RABEP2: variants seen among roughly 807,000 people sequenced by gnomAD.
RABEP2 encodes rabaptin, RAB GTPase binding effector protein 2, also known as rab GTPase-binding effector protein 2.
Under a neutral mutation model 74.1 loss-of-function variants are expected in RABEP2, and 57 were observed. The ratio of observed to expected loss-of-function variants is 0.77; its 90% CI spans 0.62 to 0.96. RABEP2 has a LOEUF of 0.96. Ranked by LOEUF, RABEP2 falls within the 40% of genes least tolerant of loss-of-function variation. The probability of loss-of-function intolerance (pLI) is 0.00; values close to 1 mark genes in which losing one functional copy is unlikely to be tolerated. For synonymous variants in RABEP2, 351 were observed against 344.0 expected, an observed-to-expected ratio of 1.02 and a Z score of -0.23; for missense variants, 692 against 756.3, an observed-to-expected ratio of 0.91 and a Z score of 1.00.
chr16:28,916,623 G>C (rs550354506), intron 3 of RABEP2, among the ~76,000 whole-genome samples: 1 of 135,580 alleles, frequency 7.4e-6, no homozygotes, highest in East Asian at 2.2e-4. Context: ...AGTGAGCCAA[G>C]ATCACGTCAC....
At chr16:28,921,205 A>G (rs1342895709) in intron 2 of RABEP2, 1 of 455,924 alleles carries the variant, frequency 2.2e-6, no homozygotes, top group Admixed American at 2.4e-5. Context: ...TCAGACTCTG[A>G]GCTGGGCTCT....
chr16:28,912,791 G>C (rs1964332413), intron 5 of RABEP2, among the ~76,000 whole-genome samples: 1 of 152,090 alleles, frequency 6.6e-6, no homozygotes, highest in Admixed American at 6.6e-5. Flanking sequence ...CGTCTCCTAA[G>C]ACGCACAATG....
chr16:28,909,604 C>T (rs1964283585), intron 7 of RABEP2, among the ~76,000 whole-genome samples: 1 of 152,032 alleles, frequency 6.6e-6, no homozygotes, highest in Non-Finnish European at 1.5e-5. Context: ...GTCCCAGCTA[C>T]TCAGGAGGGT....
In RABEP2 at chr16:28,908,593, C is replaced by A. The variant is rs1420942619; in HGVS notation, c.1245+16G>T. On this transcript the variant is annotated intron_variant, in intron 8 of 12. Coordinates refer to ENST00000358201, the MANE Select transcript of RABEP2 (RefSeq NM_024816.3). ...TCACGGTGGCTCCAGGCTCTCAGTG[C>A]CCACACTCAGCTTACTGGCACAGAG... The A allele has an allele frequency of 1.3e-6, 2 of 1,596,598 alleles. No individual in the cohort carries two copies. Among genetic ancestry groups the A allele is most frequent in the South Asian group, 2.2e-5 (2 of 89,356 alleles).
rs1964207640 is a variant in RABEP2 at position 28,905,286 on chromosome 16, GC to G, written c.1608+110del. 2.2e-5 allele frequency: 18 copies of G among 804,998 alleles called. No individual in the cohort carries two copies. The South Asian group carries it at 2.9e-4, about 13-fold the overall frequency. 49.9% of individuals were successfully genotyped at this position (804,998 alleles called of 1,614,324 possible). On this transcript the variant is annotated intron_variant, in intron 12 of 12. Coordinates refer to ENST00000358201, the MANE Select transcript of RABEP2 (RefSeq NM_024816.3). ...AACAGCTCAGGACAGGACCATGCCA[GC>G]CCCAGGAGGAAGAAAGGACTCCCCT...
intron 3 of RABEP2, among the ~76,000 whole-genome samples, chr16:28,918,202 C>G (rs1050674611): frequency 4.0e-5 from 6 of 151,388 alleles, no homozygotes; most frequent in African/African-American, 1.5e-4. Context: ...GCCTCAGCCT[C>G]CCGAGTAGCT....
At chr16:28,910,701 C>T (rs1016401032) in intron 7 of RABEP2, 187 bp downstream of exon 7, 1 of 574,570 alleles carries the variant, frequency 1.7e-6, no homozygotes, top group African/African-American at 1.9e-5. Context: ...GCTGCAGGGG[C>T]CCTGTTCTGG....
intron 3 of RABEP2, among the ~76,000 whole-genome samples, chr16:28,915,497 C>T (rs1357436537): frequency 6.6e-6 from 1 of 152,054 alleles, no homozygotes; most frequent in Non-Finnish European, 1.5e-5. Flanking sequence ...GAGATGGAAA[C>T]AGATAAGCCA....
intron 3 of RABEP2, chr16:28,918,030 G>A (rs551649536): frequency 8.1e-4 from 116 of 143,448 alleles, no homozygotes; most frequent in African/African-American, 3.0e-3. Context: ...AAGATGAAGC[G>A]TTTGATAATA....
chr16:28,924,982 C>A, intron 1 of RABEP2, 121 bp downstream of exon 1: 1 of 1,181,956 alleles, frequency 8.5e-7, no homozygotes, highest in Non-Finnish European at 1.2e-6. Flanking sequence ...GCCCCCTTTC[C>A]CGACGGCGTG....
chr16:28,911,236 C>T, intron 5 of RABEP2, 57 bp from the exon 6 acceptor site: 14 of 1,533,584 alleles, frequency 9.1e-6, no homozygotes, highest in Non-Finnish European at 1.2e-5. Flanking sequence ...CCCCTCACCA[C>T]ACTTCTCGTG....
intron 6 of RABEP2, 30 bp from the exon 7 acceptor site, chr16:28,911,016 C>A: frequency 6.2e-7 from 1 of 1,610,268 alleles, no homozygotes; most frequent in Middle Eastern, 1.7e-4. Context: ...AAAGTGAGGG[C>A]AAGGGCATGT....
At chr16:28,909,724 T>TA (rs1182969016) in intron 7 of RABEP2, among the ~76,000 whole-genome samples, 8,408 of 137,852 alleles carry the variant, frequency 0.061, 706 homozygotes, top group African/African-American at 0.2. Context: ...CACCATTTCT[T>TA]AAAAAAAAAA....
chr16:28,914,683 G>A lies in RABEP2; in HGVS notation c.532C>T (p.Gln178Ter), dbSNP rs759265327. ...GGCCGTGCCCTCACCTGGATCTCCT[G>A]AATCAGCTCCTCGGCCCTCAGCAGC... ...AKLLRAEELI[Q>*]EIQRRPRHAP... The change falls in exon 4 of 13, where the codon CAG becomes TAG. Residue 178 changes from glutamine to a stop codon, truncating the protein, a stop_gained. Transcript: ENST00000358201. LOFTEE classifies it high-confidence loss of function. The A allele has an allele frequency of 6.2e-7, 1 of 1,614,130 alleles. No individual in the cohort carries two copies. Among genetic ancestry groups the A allele is most frequent in the Non-Finnish European group, 8.5e-7 (1 of 1,179,992 alleles).
At chr16:28,912,474 G>A (rs931696221) in intron 5 of RABEP2, among the ~76,000 whole-genome samples, 7 of 144,692 alleles carry the variant, frequency 4.8e-5, no homozygotes, top group African/African-American at 1.3e-4. Flanking sequence ...AGTGGCGCAC[G>A]ATCTCAGCTC....
chr16:28,905,066 G>A, intron 12 of RABEP2, 22 bp from the exon 13 acceptor site: 1 of 1,581,840 alleles, frequency 6.3e-7, no homozygotes, highest in Non-Finnish European at 8.6e-7. Flanking sequence ...GACGAGGGGA[G>A]CAGAGTGCAC....
At position 28,905,157 on chromosome 16, in the gene RABEP2, TA is replaced by T. The variant is rs1274078407; in HGVS notation, c.1609-114del. ...TACCAGTGGACCCAGGGGCCACCTC[TA>T]GGGGGCTGATGCCACAAATGCCCTG... On this transcript the variant is annotated intron_variant, in intron 12 of 12. Coordinates refer to ENST00000358201, the MANE Select transcript of RABEP2 (RefSeq NM_024816.3). 1.5e-5 allele frequency: 13 copies of T among 860,996 alleles called. No homozygotes were observed. The South Asian group carries it at 2.2e-4, about 15-fold the overall frequency. 53.3% of individuals were successfully genotyped at this position (860,996 alleles called of 1,614,324 possible).
rs763783644 is a variant in RABEP2, at chr16:28,906,207, C to T, written c.1246-11G>A. 5.3e-5 allele frequency: 83 copies of T among 1,568,694 alleles called. No individual in the cohort carries two copies. The highest frequency in any genetic ancestry group is 2.3e-5 in the South Asian group (2 of 86,490). On this transcript the variant is annotated splice_polypyrimidine_tract_variant and intron_variant, in intron 8 of 12. Transcript: ENST00000358201. Reference sequence around the variant, plus strand: ...CAGCTGCTGCAGCTCCTGGAAGGGACGGAGGAGTCACCTGCTGGGCTGGGG... The same window carrying T: ...CAGCTGCTGCAGCTCCTGGAAGGGATGGAGGAGTCACCTGCTGGGCTGGGG...
intron 2 of RABEP2, among the ~76,000 whole-genome samples, chr16:28,922,093 T>A (rs1964474693): frequency 6.6e-6 from 1 of 152,068 alleles, no homozygotes; most frequent in Non-Finnish European, 1.5e-5. Flanking sequence ...CACCTCACCC[T>A]CCCAAGTAGC....
Sources: gnomAD v4.1 joint callset for allele counts (sites outside exome capture counted in the v4.1 genomes callset) on GRCh38, gnomAD v4.1.1 for gene constraint, MANE v1.5 for transcripts, NCBI Gene and HGNC (gene_info 2026-07-23, HGNC 2026-07-21) for gene names.